The following NECTIN3 variants were observed in gnomAD, a reference collection of about 807,000 sequenced individuals.
NECTIN3 encodes the protein nectin-3.
Under a neutral mutation model 49.4 loss-of-function variants are expected in NECTIN3, and 8 were observed. The ratio of observed to expected loss-of-function variants is 0.16; its 90% CI spans 0.10 to 0.29. The LOEUF (loss-of-function observed/expected upper bound fraction) is 0.29, where lower values mean the gene tolerates loss of function less well. NECTIN3 is among the 10% of genes least tolerant of loss of function. The probability of loss-of-function intolerance (pLI) is 1.00; values close to 1 mark genes in which losing one functional copy is unlikely to be tolerated. For synonymous variants in NECTIN3, 277 were observed against 241.1 expected, an observed-to-expected ratio of 1.15 and a Z score of -1.38; for missense variants, 581 against 654.6, an observed-to-expected ratio of 0.89 and a Z score of 1.23.
upstream of NECTIN3, chr3:111,192,324 T>C (rs1302661795): frequency 6.5e-7 from 1 of 1,527,832 alleles, no homozygotes; most frequent in Non-Finnish European, 8.8e-7. Context: ...TGTTTTACAG[T>C]GCACATCTTT....
At chr3:111,127,838 G>C (rs558413872) in intron 5 of NECTIN3, among the ~76,000 whole-genome samples, 1 of 152,106 alleles carries the variant, frequency 6.6e-6, no homozygotes, top group South Asian at 2.1e-4. Flanking sequence ...AAAGTGCTGG[G>C]ATTACAAGCG....
chr3:111,072,349 AG>A, intron 1 of NECTIN3, 172 bp downstream of exon 1: 1 of 1,450,682 alleles, frequency 6.9e-7, no homozygotes, highest in Non-Finnish European at 9.0e-7. Context: ...AGGCCCTGGA[AG>A]GGCCAGGCCA....
intron 1 of NECTIN3, among the ~76,000 whole-genome samples, chr3:111,093,486 G>A (rs2032395960): frequency 6.6e-6 from 1 of 150,480 alleles, no homozygotes. Flanking sequence ...CCAAGCTGGA[G>A]TGCAATGGCG....
rs1312570406 is a variant in NECTIN3, at chr3:111,136,059, C to G, written c.*1844C>G. 37 of 981,378 alleles carry G rather than the reference C, an allele frequency of 3.8e-5. No individual in the cohort carries two copies. Among genetic ancestry groups the G allele is most frequent in the Non-Finnish European group, 4.5e-5 (37 of 826,734 alleles). 60.8% of individuals were successfully genotyped at this position (981,378 alleles called of 1,614,324 possible). The stretch of plus-strand genomic sequence containing the variant: ...TGATAAAACACTGTGATTGATGTGA[C>G]TTTATTTTTAATTTAAACGATGAGG... On this transcript the variant is annotated 3_prime_UTR_variant, in exon 6 of 6. Transcript: ENST00000485303.
intron 1 of NECTIN3, among the ~76,000 whole-genome samples, chr3:111,100,135 G>C (rs1252111310): frequency 6.6e-6 from 1 of 152,016 alleles, no homozygotes; most frequent in East Asian, 1.9e-4. Context: ...CTATGTAATT[G>C]TTTAGAGGTG....
At chr3:111,163,742 C>A (rs1026984170) in intron 7 of NECTIN3, among the ~76,000 whole-genome samples, 9 of 152,142 alleles carry the variant, frequency 5.9e-5, no homozygotes, top group African/African-American at 2.2e-4. Context: ...AGGGAAGATT[C>A]ATTTTATAGG....
intron 5 of NECTIN3, among the ~76,000 whole-genome samples, chr3:111,143,803 C>G (rs2034808502): frequency 6.6e-6 from 1 of 152,008 alleles, no homozygotes; most frequent in South Asian, 2.1e-4. Flanking sequence ...TCCAACCTAA[C>G]TTTATTTCTC....
At chr3:111,170,088 T>C (rs1487281309) in intron 7 of NECTIN3, among the ~76,000 whole-genome samples, 1 of 152,332 alleles carries the variant, frequency 6.6e-6, no homozygotes, top group South Asian at 2.1e-4. Flanking sequence ...GCTGTTTATA[T>C]ATTAAGTGAA....
intron 1 of NECTIN3, among the ~76,000 whole-genome samples, chr3:111,077,739 T>C (rs553168144): frequency 1.2e-4 from 19 of 152,348 alleles, no homozygotes; most frequent in Non-Finnish European, 2.5e-4. Context: ...CCAAATATTA[T>C]CAATCTTCTG....
chr3:111,095,135 T>C (rs897630845), intron 1 of NECTIN3, among the ~76,000 whole-genome samples: 1 of 152,108 alleles, frequency 6.6e-6, no homozygotes, highest in Non-Finnish European at 1.5e-5. Flanking sequence ...AACTTAAAAG[T>C]CATAGGTCAT....
At chr3:111,092,260 C>T (rs1337722408) in intron 1 of NECTIN3, among the ~76,000 whole-genome samples, 1 of 152,096 alleles carries the variant, frequency 6.6e-6, no homozygotes, top group Non-Finnish European at 1.5e-5. Flanking sequence ...TGTTTTCTTT[C>T]ACCCTATTGA....
intron 7 of NECTIN3, among the ~76,000 whole-genome samples, chr3:111,162,310 A>G (rs1393804533): frequency 3.3e-5 from 5 of 152,146 alleles, no homozygotes; most frequent in African/African-American, 1.2e-4. Context: ...TAGTTCCCAT[A>G]ATCCCCACAT....
chr3:111,147,474 A>G (rs1485489006), exon 7 of NECTIN3: 1 of 1,523,100 alleles, frequency 6.6e-7, no homozygotes. Flanking sequence ...CCTCAGAAAG[A>G]CCTATTTCAG....
At chr3:111,169,319 T>C (rs1486973073) in intron 7 of NECTIN3, among the ~76,000 whole-genome samples, 1 of 150,528 alleles carries the variant, frequency 6.6e-6, no homozygotes, top group Non-Finnish European at 1.5e-5. Context: ...CTCGATCTCC[T>C]GACCTCGTGA....
chr3:111,159,514 T>C (rs1023558199), intron 7 of NECTIN3, among the ~76,000 whole-genome samples: 1 of 152,178 alleles, frequency 6.6e-6, no homozygotes, highest in African/African-American at 2.4e-5. Context: ...TTTTTTTAAG[T>C]GAGGAATGTG....
intron 7 of NECTIN3, among the ~76,000 whole-genome samples, chr3:111,150,469 G>A (rs936117295): frequency 7.2e-5 from 11 of 151,794 alleles, no homozygotes; most frequent in African/African-American, 2.4e-4. Context: ...ACACAAATAT[G>A]TATATTTGTG....
At chr3:111,098,802 A>G (rs1289321764) in intron 1 of NECTIN3, among the ~76,000 whole-genome samples, 1 of 151,566 alleles carries the variant, frequency 6.6e-6, no homozygotes, top group Non-Finnish European at 1.5e-5. Context: ...TCAACCTGCA[A>G]TATTCTGTTT....
At chr3:111,138,118 T>G (rs991957826), downstream of NECTIN3, among the ~76,000 whole-genome samples, 1 of 151,692 alleles carries the variant, frequency 6.6e-6, no homozygotes, top group Non-Finnish European at 1.5e-5. Flanking sequence ...TTTCTTAAGT[T>G]GACATTTAGT....
chr3:111,133,544 A>G (rs1321898568), intron 5 of NECTIN3, 91 bp from the exon 6 acceptor site: 13 of 1,462,146 alleles, frequency 8.9e-6, no homozygotes, highest in Non-Finnish European at 1.2e-5. Flanking sequence ...ATATTCATTA[A>G]CTGTGCTGTC....
Sources: gnomAD v4.1 joint callset for allele counts (sites outside exome capture counted in the v4.1 genomes callset) on GRCh38, gnomAD v4.1.1 for gene constraint, MANE v1.5 for transcripts, NCBI Gene and HGNC (gene_info 2026-07-23, HGNC 2026-07-21) for gene names.